Variants in CRACR2A observed in about 807,000 individuals in gnomAD.
CRACR2A encodes the protein calcium release activated channel regulator 2A, also known as EF-hand calcium-binding domain-containing protein 4B.
CRACR2A carries 79 observed loss-of-function variants against 90.5 expected under a neutral mutation model. The observed-to-expected ratio is 0.87, with a 90% CI of 0.73 to 1.05. The LOEUF is 1.05. Ranked by LOEUF, CRACR2A falls within the 50% of genes least tolerant of loss-of-function variation. The pLI, the probability that CRACR2A is intolerant of heterozygous loss-of-function variation, is 0.00. For synonymous variants in CRACR2A, 338 were observed against 356.7 expected (o/e 0.95, Z 0.59); for missense variants, 823 against 897.2 (o/e 0.92, Z 1.06).
chr12:3,696,626 AGAG>A, intron 4 of CRACR2A, 143 bp downstream of exon 4: 1 of 1,170,812 alleles, frequency 8.5e-7, no homozygotes, highest in Non-Finnish European at 1.2e-6. Context: ...GGCTCCTAGT[AGAG>A]TTTGGGCAGA....
intron 12 of CRACR2A, among the ~76,000 whole-genome samples, chr12:3,643,854 AT>A (rs1247401757): frequency 2.2e-5 from 1 of 44,970 alleles, no homozygotes; most frequent in South Asian, 1.2e-3. Context: ...TATATTATAT[AT>A]TTATATTATA....
chr12:3,731,473 C>T (rs1946360416), intron 2 of CRACR2A: 1 of 152,334 alleles, frequency 6.6e-6, no homozygotes, highest in Non-Finnish European at 1.5e-5. Flanking sequence ...GCACACCTCT[C>T]TAGTGAATGC....
chr12:3,694,150 C>A (rs1284654307), intron 4 of CRACR2A, among the ~76,000 whole-genome samples: 1 of 152,210 alleles, frequency 6.6e-6, no homozygotes, highest in Non-Finnish European at 1.5e-5. Context: ...CAGTGTCTTC[C>A]CTCTGAAGAT....
intron 1 of CRACR2A, among the ~76,000 whole-genome samples, chr12:3,750,874 AGTGCTGGG>A (rs1180831015): frequency 9.9e-5 from 15 of 152,162 alleles, no homozygotes; most frequent in Admixed American, 9.2e-4. Context: ...CCACTGCCCC[AGTGCTGGG>A]GCCTGCCTTC....
chr12:3,752,868 C>T (rs559987768), intron 1 of CRACR2A, 147 bp downstream of exon 1: 1 of 152,496 alleles, frequency 6.6e-6, no homozygotes, highest in Non-Finnish European at 1.5e-5. Flanking sequence ...AGCTGTTCCC[C>T]CCCAAGGGCA....
intron 3 of CRACR2A, among the ~76,000 whole-genome samples, chr12:3,703,405 C>T (rs959648637): frequency 1.3e-5 from 2 of 152,166 alleles, no homozygotes; most frequent in Non-Finnish European, 2.9e-5. Flanking sequence ...TTTTAATTCG[C>T]ACTTTGTACC....
intron 1 of CRACR2A, among the ~76,000 whole-genome samples, chr12:3,739,003 T>C (rs1197444084): frequency 6.6e-6 from 1 of 151,466 alleles, no homozygotes; most frequent in Admixed American, 6.6e-5. Flanking sequence ...AAGATATCCT[T>C]TAAGAACAAG....
intron 7 of CRACR2A, chr12:3,672,610 C>T (rs779347231): frequency 9.9e-6 from 3 of 302,942 alleles, no homozygotes; most frequent in African/African-American, 2.3e-5. Flanking sequence ...TCATAAAATG[C>T]GAGCTCATGG....
chr12:3,697,000 C>A lies in CRACR2A; in HGVS notation c.-1G>T. ...CTACCCTCCCGTCAGGGGCAGCCAT[C>A]GCGATTAGTCAGTTTCTTGAAGTCT... is the stretch of plus-strand genomic sequence containing the variant. On this transcript the variant is annotated 5_prime_UTR_variant, in exon 4 of 20. Transcript: ENST00000440314. 1 of 1,607,272 alleles carries A rather than the reference C, an allele frequency of 6.2e-7. No homozygotes were observed. The highest frequency in any genetic ancestry group is 8.5e-7 in the Non-Finnish European group (1 of 1,176,460).
intron 4 of CRACR2A, 148 bp from the exon 5 acceptor site, chr12:3,680,497 T>G (rs1270789334): frequency 6.4e-6 from 4 of 625,324 alleles, no homozygotes; most frequent in Non-Finnish European, 1.1e-5. Context: ...CCAGACTGCT[T>G]CACCATCCCT....
chr12:3,617,495 T>C lies in CRACR2A; in HGVS notation c.2035-465A>G, dbSNP rs188483670. Among the ~76,000 whole-genome samples, 571 of 152,302 alleles carry C rather than the reference T, an allele frequency of 3.7e-3. 2 individuals are homozygous for C. Among genetic ancestry groups the C allele is most frequent in the Non-Finnish European group, 5.3e-3 (358 of 68,028 alleles). ...AATGGCAGAGCTCCTTGCAGCATGCTTTTCCCAAGACAGTGGCATTCCATA... is the reference window on the plus strand; with the variant it reads ...AATGGCAGAGCTCCTTGCAGCATGCCTTTCCCAAGACAGTGGCATTCCATA... On this transcript the variant is annotated intron_variant, in intron 18 of 19. Coordinates refer to ENST00000440314, the MANE Select transcript of CRACR2A (RefSeq NM_001144958.2).
At chr12:3,714,028 T>C (rs1344060942) in intron 2 of CRACR2A, among the ~76,000 whole-genome samples, 2 of 152,230 alleles carry the variant, frequency 1.3e-5, no homozygotes, top group East Asian at 3.8e-4. Flanking sequence ...TTATCTATTG[T>C]ATAATGCCAA....
intron 4 of CRACR2A, among the ~76,000 whole-genome samples, chr12:3,690,788 G>A (rs961183423): frequency 2.6e-5 from 4 of 152,152 alleles, no homozygotes; most frequent in Non-Finnish European, 5.9e-5. Flanking sequence ...TATAGTGTGG[G>A]AGTCTAAGTC....
intron 17 of CRACR2A, among the ~76,000 whole-genome samples, chr12:3,622,109 C>G (rs1944155005): frequency 6.6e-6 from 1 of 152,202 alleles, no homozygotes; most frequent in Non-Finnish European, 1.5e-5. Flanking sequence ...TTTCAGCCTG[C>G]ATACCACTCA....
At chr12:3,703,430 A>C (rs1355143090) in intron 3 of CRACR2A, among the ~76,000 whole-genome samples, 3 of 152,254 alleles carry the variant, frequency 2.0e-5, no homozygotes, top group Non-Finnish European at 2.9e-5. Context: ...ACAAAAAATA[A>C]CTACAATGTA....
intron 2 of CRACR2A, among the ~76,000 whole-genome samples, chr12:3,717,217 AG>A (rs1487768365): frequency 1.3e-5 from 2 of 152,184 alleles, no homozygotes; most frequent in African/African-American, 4.8e-5. Flanking sequence ...CAGATGCTAG[AG>A]GCTGGCTTCC....
At chr12:3,673,704 T>C in intron 6 of CRACR2A, 112 bp from the exon 7 acceptor site, 1 of 1,375,044 alleles carries the variant, frequency 7.3e-7, no homozygotes, top group Non-Finnish European at 9.9e-7. Flanking sequence ...AGAATCATTA[T>C]AAAGATGACA....
chr12:3,731,113 T>A (rs555209712), intron 2 of CRACR2A: 1 of 152,066 alleles, frequency 6.6e-6, no homozygotes, highest in Non-Finnish European at 1.5e-5. Context: ...GACAAGTAGG[T>A]TGTTCAGTAT....
intron 7 of CRACR2A, among the ~76,000 whole-genome samples, chr12:3,668,143 C>T (rs1375447713): frequency 1.3e-5 from 2 of 152,214 alleles, no homozygotes; most frequent in Non-Finnish European, 2.9e-5. Context: ...ATATGCTCAA[C>T]ATAATAATAT....
Sources: allele counts gnomAD v4.1 joint callset (sites outside exome capture counted in the v4.1 genomes callset), GRCh38; gene constraint gnomAD v4.1.1; transcripts MANE v1.5; gene names NCBI Gene and HGNC (gene_info 2026-07-23, HGNC 2026-07-21).